Variants in NDUFS4 observed in about 807,000 individuals in gnomAD.
NDUFS4 encodes NADH dehydrogenase [ubiquinone] iron-sulfur protein 4, mitochondrial.
A neutral mutation model predicts 24.3 loss-of-function variants in NDUFS4; 28 were observed. The observed-to-expected ratio is 1.15, with a 90% CI of 0.85 to 1.58. NDUFS4 has a LOEUF of 1.58. Ranked by LOEUF, NDUFS4 falls within the 40% of genes most tolerant of loss-of-function variation. The probability of loss-of-function intolerance (pLI) is 0.00; values close to 1 mark genes in which losing one functional copy is unlikely to be tolerated. For missense variants in NDUFS4, 223 were observed against 207.9 expected (o/e 1.07, Z -0.45); for synonymous variants, 93 against 69.7 (o/e 1.34, Z -1.67).
intron 3 of NDUFS4, among the ~76,000 whole-genome samples, chr5:53,649,601 A>G (rs1159234411): frequency 6.6e-6 from 1 of 152,134 alleles, no homozygotes; most frequent in African/African-American, 2.4e-5. Flanking sequence ...TATCCAATCC[A>G]TTGTTGATGG....
chr5:53,597,532 G>A (rs1750167285), intron 1 of NDUFS4, among the ~76,000 whole-genome samples: 1 of 152,144 alleles, frequency 6.6e-6, no homozygotes, highest in African/African-American at 2.4e-5. Flanking sequence ...AGTACGTTGG[G>A]TCAGTAGTGT....
chr5:53,655,807 G>C (rs1400177750), intron 3 of NDUFS4, among the ~76,000 whole-genome samples: 1 of 152,118 alleles, frequency 6.6e-6, no homozygotes, highest in Non-Finnish European at 1.5e-5. Flanking sequence ...CTTAGTCTTG[G>C]AACCTAGTGT....
At chr5:53,573,494 G>A (rs578240564) in intron 1 of NDUFS4, 92 of 406,220 alleles carry the variant, frequency 2.3e-4, no homozygotes, top group South Asian at 1.5e-3. Context: ...AGTTTTGAGC[G>A]TGCAGATCCT....
intron 3 of NDUFS4, among the ~76,000 whole-genome samples, chr5:53,650,276 G>A (rs1404534225): frequency 6.6e-6 from 1 of 152,156 alleles, no homozygotes; most frequent in African/African-American, 2.4e-5. Flanking sequence ...GTGGTATAGA[G>A]GAGAAAAAGT....
At chr5:53,597,182 A>G (rs1250175479) in intron 1 of NDUFS4, among the ~76,000 whole-genome samples, 1 of 151,304 alleles carries the variant, frequency 6.6e-6, no homozygotes, top group African/African-American at 2.4e-5. Context: ...CTTCACAAGG[A>G]CCTCTCTGTG....
intron 1 of NDUFS4, among the ~76,000 whole-genome samples, chr5:53,598,731 A>G (rs2112451389): frequency 1.3e-5 from 2 of 152,324 alleles, no homozygotes; most frequent in South Asian, 4.1e-4. Flanking sequence ...CAGAGTTAGA[A>G]ATAAGGTTTA....
chr5:53,615,331 T>A (rs535266904), intron 2 of NDUFS4, among the ~76,000 whole-genome samples: 4 of 152,128 alleles, frequency 2.6e-5, no homozygotes, highest in South Asian at 2.1e-4. Context: ...ATAGAAGTAG[T>A]ATCTTTTGGT....
chr5:53,675,530 G>A (rs778960925), intron 4 of NDUFS4, among the ~76,000 whole-genome samples: 1 of 147,596 alleles, frequency 6.8e-6, no homozygotes, highest in African/African-American at 2.7e-5. Flanking sequence ...TTATCTACAC[G>A]CACAATAAGG....
At chr5:53,672,513 T>C (rs544055332) in intron 4 of NDUFS4, among the ~76,000 whole-genome samples, 9 of 152,226 alleles carry the variant, frequency 5.9e-5, no homozygotes, top group African/African-American at 2.2e-4. Flanking sequence ...AGTTGCCAAG[T>C]AGCTAAAAGA....
chr5:53,630,453 G>A (rs1751378105), intron 2 of NDUFS4, among the ~76,000 whole-genome samples: 1 of 151,956 alleles, frequency 6.6e-6, no homozygotes, highest in Admixed American at 6.6e-5. Flanking sequence ...AAGTTCTCCT[G>A]GATAATATCC....
chr5:53,646,094 G>A (rs1452183308), intron 2 of NDUFS4, 139 bp from the exon 3 acceptor site: 19 of 704,934 alleles, frequency 2.7e-5, no homozygotes, highest in Non-Finnish European at 4.4e-5. Flanking sequence ...TATCAGAATG[G>A]TAGTGAAATA....
Position 53,576,102 on chromosome 5 carries a change from A to G in NDUFS4, c.98+15342A>G, listed in dbSNP as rs191204302. On this transcript the variant is annotated intron_variant, in intron 1 of 4. Transcript: ENST00000296684. Reference sequence around the variant, plus strand: ...AGAGGTCAGAGATCTATTTAGAGTAAATGATGGAAGTTTTGGTGACTTTTC... The same window carrying G: ...AGAGGTCAGAGATCTATTTAGAGTAGATGATGGAAGTTTTGGTGACTTTTC... Among the ~76,000 whole-genome samples, 352 of 152,346 alleles carry G rather than the reference A, an allele frequency of 2.3e-3. 3 individuals are homozygous for G. Among genetic ancestry groups the G allele is most frequent in the African/African-American group, 8.1e-3 (338 of 41,584 alleles).
intron 1 of NDUFS4, among the ~76,000 whole-genome samples, chr5:53,564,267 T>C (rs754632265): frequency 6.6e-6 from 1 of 152,202 alleles, no homozygotes; most frequent in Non-Finnish European, 1.5e-5. Context: ...GAATTCTGTT[T>C]GTTAACACCT....
intron 1 of NDUFS4, among the ~76,000 whole-genome samples, chr5:53,566,225 T>C (rs1749021196): frequency 6.6e-6 from 1 of 152,162 alleles, no homozygotes; most frequent in Non-Finnish European, 1.5e-5. Flanking sequence ...ACTTGGTTCC[T>C]GTATAATACT....
intron 2 of NDUFS4, among the ~76,000 whole-genome samples, chr5:53,627,776 T>G (rs1456768728): frequency 6.6e-6 from 1 of 152,202 alleles, no homozygotes; most frequent in African/African-American, 2.4e-5. Context: ...TTAAGGAGAT[T>G]TTGGGCTGAG....
At chr5:53,646,513 T>A in intron 3 of NDUFS4, 108 bp downstream of exon 3, 1 of 1,185,560 alleles carries the variant, frequency 8.4e-7, no homozygotes, top group Non-Finnish European at 1.2e-6. Context: ...CTTATGACAG[T>A]ACTTTTTGAC....
At chr5:53,658,400 A>C (rs1752224400) in intron 3 of NDUFS4, 151 bp from the exon 4 acceptor site, 3 of 598,246 alleles carry the variant, frequency 5.0e-6, no homozygotes, top group Admixed American at 6.0e-5. Context: ...AAGGTATTCC[A>C]ACTAACAGTT....
At chr5:53,676,106 A>G (rs1740459999) in intron 4 of NDUFS4, among the ~76,000 whole-genome samples, 1 of 152,248 alleles carries the variant, frequency 6.6e-6, no homozygotes, top group African/African-American at 2.4e-5. Context: ...GGCAAATGTT[A>G]TAACCAGTTC....
chr5:53,583,116 A>C (rs960628690), intron 1 of NDUFS4, among the ~76,000 whole-genome samples: 1 of 152,010 alleles, frequency 6.6e-6, no homozygotes, highest in African/African-American at 2.4e-5. Context: ...TGACCTCATG[A>C]TCCGCCCGCC....
Sources: allele counts gnomAD v4.1 joint callset (sites outside exome capture counted in the v4.1 genomes callset), GRCh38; gene constraint gnomAD v4.1.1; transcripts MANE v1.5; gene names NCBI Gene and HGNC (gene_info 2026-07-23, HGNC 2026-07-21).